Variants in PDP1 observed in about 807,000 individuals in gnomAD.
PDP1 encodes pyruvate dehyrogenase phosphatase catalytic subunit 1.
In PDP1, 14 loss-of-function variants were observed where a neutral mutation model predicts 37.1. The observed-to-expected ratio is 0.38, with a 90% CI of 0.25 to 0.59. PDP1 has a LOEUF of 0.59. Among genes scored for constraint, PDP1 ranks in the 20% least tolerant of loss-of-function variants. The pLI is 0.67. For missense variants in PDP1, 544 were observed against 655.3 expected, an observed-to-expected ratio of 0.83 and a Z score of 1.85; for synonymous variants, 251 against 243.3, an observed-to-expected ratio of 1.03 and a Z score of -0.29.
Position 93,925,498 on chromosome 8 carries a change from C to T in PDP1, c.*1825C>T, listed in dbSNP as rs915633588. 6.0e-6 allele frequency: 1 copy of T among 166,750 alleles called. No homozygotes were observed. 10.3% of individuals were successfully genotyped at this position (166,750 alleles called of 1,614,324 possible). On this transcript the variant is annotated 3_prime_UTR_variant, in exon 2 of 2. Transcript: ENST00000297598. ...CTACTATTTGAATATTCTTGAACAC[C>T]ACCACTGAAGAGTTTCATATACACC...
intron 1 of PDP1, among the ~76,000 whole-genome samples, chr8:93,918,716 C>T (rs976903777): frequency 1.4e-4 from 22 of 152,290 alleles, no homozygotes; most frequent in Admixed American, 1.4e-3. Context: ...GATCAAGAGC[C>T]TTCTACACTA....
chr8:93,923,011 A>C lies in PDP1; in HGVS notation c.952A>C (p.Asn318His). Residue 318 changes from asparagine (N) to histidine (H), a missense_variant, in exon 2 of 2, where the codon AAT becomes CAT. Asn to His is a moderately conservative substitution (Grantham distance 68, BLOSUM62 1). Coordinates refer to ENST00000297598, the MANE Select transcript of PDP1 (RefSeq NM_018444.4). This position sits in a 1 kb window ranked among gnomAD's most constrained non-coding sequence, Gnocchi z 4.3. ...GCTGTCTAATGACCACAATGCTCAAAATGAAAGAGAACTAGAACGGCTGAA... is the reference window on the plus strand; with the variant it reads ...GCTGTCTAATGACCACAATGCTCAACATGAAAGAGAACTAGAACGGCTGAA... ...VTLSNDHNAQ[N>H]ERELERLKLE... 1 of 1,614,160 alleles carries C rather than the reference A, an allele frequency of 6.2e-7. No homozygotes were observed. Among genetic ancestry groups the C allele is most frequent in the Non-Finnish European group, 8.5e-7 (1 of 1,180,036 alleles).
At chr8:93,917,836 A>G (rs1486961468) in intron 1 of PDP1, 21 of 1,610,624 alleles carry the variant, frequency 1.3e-5, no homozygotes, top group Non-Finnish European at 1.6e-5. Context: ...CCTTGCTTTC[A>G]ATGGGCCGGT....
In PDP1 at chr8:93,922,609, C is replaced by T. The variant is rs775429341; in HGVS notation, c.550C>T (p.Arg184Trp). The change falls in exon 2 of 2, where the codon CGG becomes TGG. Residue 184 changes from arginine to tryptophan, a missense_variant. By Grantham distance (101) the Arg-to-Trp change is moderately radical. Around this residue, in one of 5 missense-constraint regions of PDP1, gnomAD observed 342 missense variants for 414.0 expected, o/e 0.83. Transcript: ENST00000297598. The surrounding 1 kb of genome is among the most constrained non-coding windows in gnomAD (Gnocchi z 4.0). ...GATTGAAAATGCAGTGGAGAGCGGCCGGGCACTGCTACCCATTCTCCAGTG... is the reference window on the plus strand; with the variant it reads ...GATTGAAAATGCAGTGGAGAGCGGCTGGGCACTGCTACCCATTCTCCAGTG... ...LEIENAVESG[R>W]ALLPILQWHK... 8.7e-6 allele frequency: 14 copies of T among 1,613,906 alleles called. No individual in the cohort carries two copies. In the Admixed American group the frequency reaches 1.5e-4, roughly 17 times the overall value.
In PDP1 at chr8:93,921,994, ATCTG is replaced by A. The variant is rs780724817; in HGVS notation, c.-44-18_-44-15del. The A allele has an allele frequency of 4.0e-6, 6 of 1,506,912 alleles. No individual in the cohort carries two copies. The East Asian group carries it at 6.8e-5, about 17-fold the overall frequency. The allele number at this position is 1,506,912 out of a possible 1,614,324, so 93.3% of individuals were successfully genotyped here. A position where few individuals can be genotyped will look rare whatever the true frequency, so the allele number is the denominator to read the frequency against. Reference sequence around the variant, plus strand: ...AAATGTAACTCTTTCCTTTGTGTACATCTGTCTAATTTGCTGTCTAGGAATCCCA... The same window carrying A: ...AAATGTAACTCTTTCCTTTGTGTACATCTAATTTGCTGTCTAGGAATCCCA... On this transcript the variant is annotated intron_variant, in intron 1 of 1. Transcript: ENST00000297598.
Position 93,924,225 on chromosome 8 carries a change from T to C in PDP1, c.*552T>C, listed in dbSNP as rs1810373754. 5.9e-6 allele frequency: 1 copy of C among 168,606 alleles called. No individual in the cohort carries two copies. The highest frequency in any genetic ancestry group is 6.4e-5 in the Admixed American group (1 of 15,672). The allele number at this position is 168,606 out of a possible 1,614,324, so 10.4% of individuals were successfully genotyped here. On this transcript the variant is annotated 3_prime_UTR_variant, in exon 2 of 2. Transcript: ENST00000297598. Reference sequence around the variant, plus strand: ...GATCCAAGCAATCTGAATTTGTTTTTGTGATTATTTGACTGGAATGCTTCT... The same window carrying C: ...GATCCAAGCAATCTGAATTTGTTTTCGTGATTATTTGACTGGAATGCTTCT...
chr8:93,921,650 T>C (rs1439268218), intron 1 of PDP1: 3 of 166,368 alleles, frequency 1.8e-5, no homozygotes, highest in African/African-American at 7.1e-5. Context: ...AGAAGGATGA[T>C]TGGTCAGGTA....
At chr8:93,917,783 G>T in intron 1 of PDP1, 1 of 1,395,716 alleles carries the variant, frequency 7.2e-7, no homozygotes, top group South Asian at 1.2e-5. Flanking sequence ...CCCCTCCTCC[G>T]CTCCCGCCTC....
At chr8:93,918,041 AG>A in intron 1 of PDP1, 1 of 1,379,174 alleles carries the variant, frequency 7.3e-7, no homozygotes, top group South Asian at 1.2e-5. Context: ...CGTGGTATTA[AG>A]GGATGAGATA....
chr8:93,922,021 C>A lies in PDP1; in HGVS notation c.-39C>A. On this transcript the variant is annotated 5_prime_UTR_variant, in exon 2 of 2. Coordinates refer to ENST00000297598, the MANE Select transcript of PDP1 (RefSeq NM_018444.4). The surrounding 1 kb of genome is among the most constrained non-coding windows in gnomAD (Gnocchi z 4.0). Reference sequence around the variant, plus strand: ...CTGTCTAATTTGCTGTCTAGGAATCCCAGTCAGAAGTTCCAGCCTGCCACT... The same window carrying A: ...CTGTCTAATTTGCTGTCTAGGAATCACAGTCAGAAGTTCCAGCCTGCCACT... 6.3e-7 allele frequency: 1 copy of A among 1,583,498 alleles called. No individual in the cohort carries two copies. The highest frequency in any genetic ancestry group is 8.6e-7 in the Non-Finnish European group (1 of 1,160,952).
In PDP1 at chr8:93,923,599, TAC is replaced by T; in HGVS notation, c.1542_1543del (p.Tyr514Ter). The T allele has an allele frequency of 6.2e-7, 1 of 1,614,178 alleles. No homozygotes were observed. The stretch of plus-strand genomic sequence containing the variant: ...TCTTCCTGAAGAGCTTGCTCGAATG[TAC>T]AGAGATGACATTACAATCATTGTAG... ...LSLPEELARM[Y>X]RDDITIIVVQ... On this transcript the variant is annotated frameshift_variant, in exon 2 of 2. Coordinates refer to ENST00000297598, the MANE Select transcript of PDP1 (RefSeq NM_018444.4). LOFTEE classifies it high-confidence loss of function. The surrounding 1 kb of genome is among the most constrained non-coding windows in gnomAD (Gnocchi z 4.3).
At chr8:93,920,612 C>T (rs4395871) in intron 1 of PDP1, 377,370 of 934,640 alleles carry the variant, frequency 0.4, 78,152 homozygotes, top group East Asian at 0.68. Context: ...TTTCAGCGCA[C>T]ATAGTGAGTG....
chr8:93,917,659 C>T, intron 1 of PDP1: 1 of 713,114 alleles, frequency 1.4e-6, no homozygotes, highest in Admixed American at 2.8e-5. Context: ...CTTTGCCTCC[C>T]CGGCGGGGTG....
chr8:93,922,968 C>T lies in PDP1; in HGVS notation c.909C>T (p.Gly303=), dbSNP rs146222349. 833 of 1,614,106 alleles carry T rather than the reference C, an allele frequency of 5.2e-4. 3 individuals are homozygous for T. In the East Asian group the frequency reaches 7.2e-3, roughly 14 times the overall value. ...TGCTGGGTGTGCAGGAAGAGGACGG[C>T]TCATGGTCAGCAGTCACGCTGTCTA... is the stretch of plus-strand genomic sequence containing the variant. ...RAMLGVQEED[G]SWSAVTLSND... The change falls in exon 2 of 2, where the codon GGC becomes GGT. Residue 303 remains glycine (G), a synonymous_variant. Coordinates refer to ENST00000297598, the MANE Select transcript of PDP1 (RefSeq NM_018444.4). This position sits in a 1 kb window ranked among gnomAD's most constrained non-coding sequence, Gnocchi z 4.0.
chr8:93,917,946 G>A, intron 1 of PDP1: 1 of 1,613,962 alleles, frequency 6.2e-7, no homozygotes, highest in Non-Finnish European at 8.5e-7. Flanking sequence ...AGACGAATTG[G>A]TAGGTATTCA....
In PDP1 at chr8:93,922,116, G is replaced by T; in HGVS notation, c.57G>T (p.Arg19Ser). The T allele has an allele frequency of 6.2e-7, 1 of 1,613,932 alleles. No individual in the cohort carries two copies. Among genetic ancestry groups the T allele is most frequent in the Non-Finnish European group, 8.5e-7 (1 of 1,179,828 alleles). The change falls in exon 2 of 2, where the codon AGG becomes AGT. Residue 19 changes from arginine to serine, a missense_variant. Transcript: ENST00000297598. This position sits in a 1 kb window ranked among gnomAD's most constrained non-coding sequence, Gnocchi z 4.0. ...FPLIRNCELS[R>S]IYGTACYCHH... ...TCATCCGTAACTGTGAACTGAGCAG[G>T]ATCTATGGCACTGCATGTTACTGCC...
rs771139058 is a variant in PDP1 at position 93,922,127 on chromosome 8, C to G, written c.68C>G (p.Thr23Ser). ...TGTGAACTGAGCAGGATCTATGGCACTGCATGTTACTGCCACCACAAACAT... is the reference window on the plus strand; with the variant it reads ...TGTGAACTGAGCAGGATCTATGGCAGTGCATGTTACTGCCACCACAAACAT... The part of the protein sequence containing the change: ...RNCELSRIYG[T>S]ACYCHHKHLC... Residue 23 changes from threonine to serine, a missense_variant, in exon 2 of 2, where the codon ACT becomes AGT. Physicochemically the swap from Thr to Ser is moderately conservative, Grantham distance 58. Transcript: ENST00000297598. This position sits in a 1 kb window ranked among gnomAD's most constrained non-coding sequence, Gnocchi z 4.0. 4.8e-5 allele frequency: 78 copies of G among 1,613,792 alleles called. No individual in the cohort carries two copies. Among genetic ancestry groups the G allele is most frequent in the Non-Finnish European group, 6.1e-5 (72 of 1,179,754 alleles).
intron 1 of PDP1, among the ~76,000 whole-genome samples, chr8:93,918,103 TTGTG>T (rs1361245164): frequency 6.6e-6 from 1 of 152,118 alleles, no homozygotes; most frequent in African/African-American, 2.4e-5. Flanking sequence ...TTTGATGTCT[TTGTG>T]AGTGCAGTTT....
chr8:93,923,235 T>A lies in PDP1; in HGVS notation c.1176T>A (p.Pro392=). The A allele has an allele frequency of 6.2e-7, 1 of 1,614,122 alleles. No homozygotes were observed. Among genetic ancestry groups the A allele is most frequent in the African/African-American group, 1.3e-5 (1 of 75,048 alleles). ...TTATTCCTCCTAATTATCACACACC[T>A]CCTTATCTCACTGCTGAGCCAGAGG... The part of the protein sequence containing the change: ...TKFIPPNYHT[P]PYLTAEPEVT... The change falls in exon 2 of 2, where the codon CCT becomes CCA. Residue 392 remains proline (P), a synonymous_variant. Coordinates refer to ENST00000297598, the MANE Select transcript of PDP1 (RefSeq NM_018444.4). The surrounding 1 kb of genome is among the most constrained non-coding windows in gnomAD (Gnocchi z 4.3).
Sources: allele counts gnomAD v4.1 joint callset (sites outside exome capture counted in the v4.1 genomes callset), GRCh38; gene constraint gnomAD v4.1.1; regional missense constraint gnomAD v4.1.1; non-coding constraint Gnocchi (gnomAD v3.1); transcripts MANE v1.5; gene names NCBI Gene and HGNC (gene_info 2026-07-23, HGNC 2026-07-21).